The following SLC23A2 variants were observed in gnomAD, a reference collection of about 807,000 sequenced individuals.
The protein encoded by SLC23A2 is Na(+)/L-ascorbic acid transporter 2.
SLC23A2 carries 36 observed loss-of-function variants against 73.3 expected under a neutral mutation model. That is an observed-to-expected ratio of 0.49 (90% CI 0.38 to 0.65). SLC23A2 has a LOEUF of 0.65. SLC23A2 is among the 30% of genes least tolerant of loss of function. SLC23A2 has a pLI of 0.00. For missense variants in SLC23A2, 507 were observed against 841.6 expected, an observed-to-expected ratio of 0.60 and a Z score of 4.92; for synonymous variants, 343 against 327.3, an observed-to-expected ratio of 1.05 and a Z score of -0.52.
chr20:4,943,149 G>A (rs770264975), intron 2 of SLC23A2, among the ~76,000 whole-genome samples: 8 of 147,938 alleles, frequency 5.4e-5, no homozygotes, highest in Admixed American at 4.8e-4. Flanking sequence ...GGGGTGGGGC[G>A]GTGTGGAGAA....
In SLC23A2 at chr20:4,899,890, A is replaced by G. The variant is rs1003487175; in HGVS notation, c.325-178T>C. ...TTTTCAGTATTTCTCCTTTGTTGTT[A>G]AGACAGTTTCACTCCCATTGCCCTC... On this transcript the variant is annotated intron_variant, in intron 5 of 16. Transcript: ENST00000338244. This position sits in a 1 kb window ranked among gnomAD's most constrained non-coding sequence, Gnocchi z 4.9. Among the ~76,000 whole-genome samples, 1 of 152,040 alleles carries G rather than the reference A, an allele frequency of 6.6e-6. No individual in the cohort carries two copies. The highest frequency in any genetic ancestry group is 1.5e-5 in the Non-Finnish European group (1 of 68,010).
At chr20:4,929,912 G>A (rs1407570661) in intron 3 of SLC23A2, among the ~76,000 whole-genome samples, 3 of 152,148 alleles carry the variant, frequency 2.0e-5, no homozygotes, top group Non-Finnish European at 4.4e-5. Flanking sequence ...GTGTAATAGT[G>A]GAGGGCAAAC....
chr20:4,874,465 C>T, intron 10 of SLC23A2, 111 bp downstream of exon 10: 1 of 995,946 alleles, frequency 1.0e-6, no homozygotes, highest in Non-Finnish European at 1.5e-6. Flanking sequence ...GGTCTCACTG[C>T]ACAGATATGA....
At chr20:4,880,043 G>A (rs1000708275) in intron 9 of SLC23A2, among the ~76,000 whole-genome samples, 17 of 152,148 alleles carry the variant, frequency 1.1e-4, no homozygotes, top group African/African-American at 3.9e-4. Flanking sequence ...CTCAGGGCTC[G>A]TTGCTTAGAA....
intron 3 of SLC23A2, among the ~76,000 whole-genome samples, chr20:4,920,294 C>T (rs986493681): frequency 9.9e-5 from 15 of 152,178 alleles, no homozygotes; most frequent in African/African-American, 3.6e-4. Flanking sequence ...ACCTACTAAT[C>T]GGGACAAGAG....
chr20:4,949,287 CAAAAAAAAAAA>C (rs570455717), intron 2 of SLC23A2, among the ~76,000 whole-genome samples: 125 of 57,972 alleles, frequency 2.2e-3, no homozygotes, highest in Middle Eastern at 9.1e-3. Flanking sequence ...GACTCCATCT[CAAAAAAAAAAA>C]AAAAAAAGGA....
rs1012525762 is a variant in SLC23A2, at chr20:4,854,986, G to A, written c.*1986C>T. The A allele has an allele frequency of 2.6e-5, 4 of 151,992 alleles. No individual in the cohort carries two copies. Among genetic ancestry groups the A allele is most frequent in the African/African-American group, 9.8e-5 (4 of 40,916 alleles). 9.4% of individuals were successfully genotyped at this position (151,992 alleles called of 1,614,324 possible). A position where few individuals can be genotyped will look rare whatever the true frequency, so the allele number is the denominator to read the frequency against. On this transcript the variant is annotated 3_prime_UTR_variant, in exon 17 of 17. Transcript: ENST00000338244. Reference sequence around the variant, plus strand: ...AACTGAGAGCAACTCATTGCAGGAGGGCTGCCAGCCTCAAGAGTGTCCCAA... The same window carrying A: ...AACTGAGAGCAACTCATTGCAGGAGAGCTGCCAGCCTCAAGAGTGTCCCAA...
chr20:4,885,521 A>G (rs2122833070), intron 7 of SLC23A2, among the ~76,000 whole-genome samples: 1 of 152,360 alleles, frequency 6.6e-6, no homozygotes, highest in East Asian at 1.9e-4. Context: ...TGAAAGAGAG[A>G]GGCAGAAAAA....
chr20:4,950,971 T>C lies in SLC23A2; in HGVS notation c.-154-18255A>G, dbSNP rs142268137. ...ACCTTAGCAGAAACTGGGGAGAAGG[T>C]TGGGAGCCAGGTGCTTCAACTGCTC... On this transcript the variant is annotated intron_variant, in intron 2 of 16. Transcript: ENST00000338244. Among the ~76,000 whole-genome samples the C allele has an allele frequency of 3.5e-3, 532 of 152,078 alleles. 2 individuals are homozygous for C. The highest frequency in any genetic ancestry group is 0.012 in the African/African-American group (508 of 41,510).
chr20:4,996,610 C>T (rs1205266137), intron 1 of SLC23A2, among the ~76,000 whole-genome samples: 2 of 143,238 alleles, frequency 1.4e-5, no homozygotes, highest in East Asian at 2.1e-4. Context: ...CCCTTGAACC[C>T]GGGAGGCAGA....
Position 4,857,256 on chromosome 20 carries a change from C to G in SLC23A2, c.1721-52G>C. 1 of 986,576 alleles carries G rather than the reference C, an allele frequency of 1.0e-6. No individual in the cohort carries two copies. Among genetic ancestry groups the G allele is most frequent in the Non-Finnish European group, 1.5e-6 (1 of 653,018 alleles). 61.1% of individuals were successfully genotyped at this position (986,576 alleles called of 1,614,324 possible). On this transcript the variant is annotated intron_variant, in intron 16 of 16. Coordinates refer to ENST00000338244, the MANE Select transcript of SLC23A2 (RefSeq NM_005116.6). This position sits in a 1 kb window ranked among gnomAD's most constrained non-coding sequence, Gnocchi z 4.0. Reference sequence around the variant, plus strand: ...AGGAATGCTTCGTTTAGCAGCTCTACTGAAAATGAAACTGTCGTCAAACAC... The same window carrying G: ...AGGAATGCTTCGTTTAGCAGCTCTAGTGAAAATGAAACTGTCGTCAAACAC...
chr20:4,900,461 C>G (rs549976874), intron 5 of SLC23A2, among the ~76,000 whole-genome samples: 17 of 152,266 alleles, frequency 1.1e-4, no homozygotes, highest in Non-Finnish European at 1.8e-4. Context: ...CTGTATTTTT[C>G]TTCTGGGATT....
At chr20:4,908,478 TTA>T (rs775772859) in intron 4 of SLC23A2, among the ~76,000 whole-genome samples, 1 of 152,222 alleles carries the variant, frequency 6.6e-6, no homozygotes, top group Non-Finnish European at 1.5e-5. Flanking sequence ...TTAAAATTAA[TTA>T]ACTTATTTAT....
At chr20:4,928,099 C>T (rs1473962522) in intron 3 of SLC23A2, among the ~76,000 whole-genome samples, 2 of 152,128 alleles carry the variant, frequency 1.3e-5, no homozygotes, top group East Asian at 1.9e-4. Flanking sequence ...CATGCAATGA[C>T]ACAACTGCTA....
intron 15 of SLC23A2, 34 bp from the exon 16 acceptor site, chr20:4,859,418 C>A: frequency 7.0e-7 from 1 of 1,429,668 alleles, no homozygotes; most frequent in Non-Finnish European, 9.9e-7. Flanking sequence ...ACGATCAGTG[C>A]CACAGCAGCG....
At position 4,874,510 on chromosome 20, in the gene SLC23A2, C is replaced by T. The variant is rs2122804814; in HGVS notation, c.945+66G>A. 4.0e-6 allele frequency: 6 copies of T among 1,487,586 alleles called. No homozygotes were observed. The South Asian group carries it at 7.9e-5, about 20-fold the overall frequency. 92.1% of individuals were successfully genotyped at this position (1,487,586 alleles called of 1,614,324 possible). A position where few individuals can be genotyped will look rare whatever the true frequency, so the allele number is the denominator to read the frequency against. ...GAGGGCCTGCTTAAAACCCTCCCTTCACTTAATCATCTTACATATTAACCA... is the reference window on the plus strand; with the variant it reads ...GAGGGCCTGCTTAAAACCCTCCCTTTACTTAATCATCTTACATATTAACCA... On this transcript the variant is annotated intron_variant, in intron 10 of 16. Transcript: ENST00000338244.
At chr20:4,942,529 T>A (rs72552366) in intron 2 of SLC23A2, among the ~76,000 whole-genome samples, 33 of 152,332 alleles carry the variant, frequency 2.2e-4, no homozygotes, top group Admixed American at 4.6e-4. Flanking sequence ...AAGGACTGAA[T>A]CACTAGCTCT....
intron 1 of SLC23A2, among the ~76,000 whole-genome samples, chr20:4,994,149 A>T (rs1471050695): frequency 1.3e-5 from 2 of 152,214 alleles, no homozygotes; most frequent in Non-Finnish European, 2.9e-5. Flanking sequence ...CCTTACTGTG[A>T]AGCAGGATCA....
At chr20:4,873,358 C>G (rs748898685) in intron 11 of SLC23A2, among the ~76,000 whole-genome samples, 4 of 152,250 alleles carry the variant, frequency 2.6e-5, no homozygotes, top group Non-Finnish European at 5.9e-5. Context: ...GGGCCAGCTG[C>G]GAGTCCAGGT....
Sources: gnomAD v4.1 joint callset for allele counts (sites outside exome capture counted in the v4.1 genomes callset) on GRCh38, gnomAD v4.1.1 for gene constraint, Gnocchi (gnomAD v3.1) non-coding constraint, MANE v1.5 for transcripts, NCBI Gene and HGNC (gene_info 2026-07-23, HGNC 2026-07-21) for gene names.